The following ZNF341 variants were observed in gnomAD, a reference collection of about 807,000 sequenced individuals.
ZNF341 encodes the protein zinc finger protein 341.
A neutral mutation model predicts 87.7 loss-of-function variants in ZNF341; 52 were observed. That is an observed-to-expected ratio of 0.59 (90% CI 0.47 to 0.75). The LOEUF is 0.75. Ranked by LOEUF, ZNF341 falls within the 30% of genes least tolerant of loss-of-function variation. The pLI is 0.00. For missense variants in ZNF341, 977 were observed against 1,145.9 expected (o/e 0.85, Z 2.13); for synonymous variants, 459 against 472.7 (o/e 0.97, Z 0.38).
chr20:33,781,701 A>AT (rs35710818), intron 11 of ZNF341, among the ~76,000 whole-genome samples: 18,836 of 143,142 alleles, frequency 0.13, 1,559 homozygotes, highest in Admixed American at 0.23. Flanking sequence ...CTTCTTTTTA[A>AT]TTTTTTTTTT....
At chr20:33,788,255 C>G (rs577876348) in intron 12 of ZNF341, 7 of 153,298 alleles carry the variant, frequency 4.6e-5, no homozygotes, top group African/African-American at 1.4e-4. Context: ...CCCATCTCTA[C>G]TAAAAATACA....
chr20:33,752,113 C>CG lies in ZNF341; in HGVS notation c.490-1059_490-1058insG, dbSNP rs2019069586. On this transcript the variant is annotated intron_variant, in intron 4 of 14. Transcript: ENST00000375200. ...CGAGCTAGTGCTGCAAGCAAGCCCC[C>CG]CCCCCTTTTTTTTTAATTTTATAAC... 4 of 386,916 alleles carry CG rather than the reference C, an allele frequency of 1.0e-5. 1 individual carries two copies. The highest frequency in any genetic ancestry group is 2.0e-5 in the Non-Finnish European group (4 of 199,814). 24.0% of individuals were successfully genotyped at this position (386,916 alleles called of 1,614,324 possible).
At chr20:33,773,834 A>G (rs1007303702) in intron 10 of ZNF341, among the ~76,000 whole-genome samples, 2 of 152,028 alleles carry the variant, frequency 1.3e-5, no homozygotes, top group Non-Finnish European at 2.9e-5. Context: ...TGGCTTCATC[A>G]TATCTTTAGA....
intron 14 of ZNF341, among the ~76,000 whole-genome samples, chr20:33,790,065 C>A (rs1395969563): frequency 6.6e-6 from 1 of 150,558 alleles, no homozygotes; most frequent in African/African-American, 2.5e-5. Context: ...ACAATTTGGG[C>A]CAGATAATTT....
At chr20:33,766,661 G>A (rs1326273013) in intron 8 of ZNF341, among the ~76,000 whole-genome samples, 190 bp from the exon 9 acceptor site, 2 of 152,292 alleles carry the variant, frequency 1.3e-5, no homozygotes, top group East Asian at 3.9e-4. Context: ...AAGCATTTCT[G>A]TATTTGAGCC....
chr20:33,772,998 T>C (rs1340170080), intron 10 of ZNF341, among the ~76,000 whole-genome samples: 1 of 152,220 alleles, frequency 6.6e-6, no homozygotes, highest in Non-Finnish European at 1.5e-5. Flanking sequence ...TGATAAATTT[T>C]CTTTGGCTCT....
intron 10 of ZNF341, among the ~76,000 whole-genome samples, chr20:33,777,499 T>C (rs1397876623): frequency 2.0e-5 from 3 of 151,668 alleles, no homozygotes; most frequent in African/African-American, 7.3e-5. Flanking sequence ...CTGGGTGTGG[T>C]GGCGGGCACC....
chr20:33,766,340 A>G (rs1210926506), intron 8 of ZNF341, among the ~76,000 whole-genome samples: 1 of 151,590 alleles, frequency 6.6e-6, no homozygotes, highest in Non-Finnish European at 1.5e-5. Context: ...GATTACAGGC[A>G]CCCTCCACCA....
In ZNF341 at chr20:33,777,819, C is replaced by G. The variant is rs193068011; in HGVS notation, c.1623-3472C>G. ...TTCAGTTGTCATGTCTCTCTCGTCT[C>G]TCTTGTGTCCTATAAGCTGGAACAG... is the stretch of plus-strand genomic sequence containing the variant. On this transcript the variant is annotated intron_variant, in intron 10 of 14. Coordinates refer to ENST00000375200, the MANE Select transcript of ZNF341 (RefSeq NM_001282933.2). Among the ~76,000 whole-genome samples the G allele has an allele frequency of 2.3e-3, 357 of 152,198 alleles. 3 individuals are homozygous for G. Among genetic ancestry groups the G allele is most frequent in the African/African-American group, 8.0e-3 (333 of 41,536 alleles).
At chr20:33,782,523 T>C (rs999438378) in intron 11 of ZNF341, among the ~76,000 whole-genome samples, 2 of 152,252 alleles carry the variant, frequency 1.3e-5, no homozygotes, top group Admixed American at 6.5e-5. Flanking sequence ...ATGTTTCTTA[T>C]TATCTAACCT....
Position 33,742,546 on chromosome 20 carries a change from C to T in ZNF341, c.142+1534C>T, listed in dbSNP as rs550424658. ...GGCCTGGCTGGTCTCGAACTCCTGA[C>T]CTCAGGTGATCCACCCACTTCAGCT... On this transcript the variant is annotated intron_variant, in intron 2 of 14. Transcript: ENST00000375200. Among the ~76,000 whole-genome samples the T allele has an allele frequency of 2.0e-5, 3 of 151,750 alleles. No homozygotes were observed. The East Asian group carries it at 5.8e-4, about 29-fold the overall frequency.
At position 33,732,201 on chromosome 20, in the gene ZNF341, G is replaced by A; in HGVS notation, c.31+149G>A. 2 of 591,876 alleles carry A rather than the reference G, an allele frequency of 3.4e-6. No individual in the cohort carries two copies. The highest frequency in any genetic ancestry group is 7.1e-5 in the South Asian group (1 of 14,116). 36.7% of individuals were successfully genotyped at this position (591,876 alleles called of 1,614,324 possible). On this transcript the variant is annotated intron_variant, in intron 1 of 14. Transcript: ENST00000375200. This position sits in a 1 kb window ranked among gnomAD's most constrained non-coding sequence, Gnocchi z 4.5. ...GCCGCGGGGCGGGAGGGGCGCGGGC[G>A]GGAACAGCGCGGGAGCCGAGGCCCG... is the stretch of plus-strand genomic sequence containing the variant.
intron 10 of ZNF341, among the ~76,000 whole-genome samples, chr20:33,779,551 A>C (rs935943828): frequency 2.6e-5 from 4 of 151,270 alleles, no homozygotes; most frequent in South Asian, 2.1e-4. Context: ...CCCAGGTTCA[A>C]GTGATTCTCC....
At chr20:33,748,306 G>A (rs998009848) in intron 3 of ZNF341, among the ~76,000 whole-genome samples, 9 of 151,896 alleles carry the variant, frequency 5.9e-5, no homozygotes, top group Non-Finnish European at 1.2e-4. Flanking sequence ...TCTTGACCTC[G>A]TGATCTGCCC....
chr20:33,751,527 A>G (rs941778049), intron 4 of ZNF341, among the ~76,000 whole-genome samples: 1 of 152,100 alleles, frequency 6.6e-6, no homozygotes, highest in African/African-American at 2.4e-5. Flanking sequence ...GTTTCTACCC[A>G]GGGAAACACA....
intron 10 of ZNF341, among the ~76,000 whole-genome samples, chr20:33,777,204 T>C (rs1601281936): frequency 6.9e-6 from 1 of 143,946 alleles, no homozygotes; most frequent in Non-Finnish European, 1.5e-5. Context: ...ATGCCTGTGG[T>C]CTCAGCTGCT....
intron 2 of ZNF341, among the ~76,000 whole-genome samples, chr20:33,741,683 G>T (rs1241989578): frequency 6.6e-6 from 1 of 152,158 alleles, no homozygotes; most frequent in African/African-American, 2.4e-5. Flanking sequence ...GGGATTACCT[G>T]CATGAGCCAC....
rs545658245 is a variant in ZNF341, at chr20:33,749,784, G to A, written c.489+712G>A. On this transcript the variant is annotated intron_variant, in intron 4 of 14. Transcript: ENST00000375200. ...TTTTTTTTTTTTGAGACAGAGTCTT[G>A]CTCTGTTGCCCAGGCTGAAGTGCAG... Among the ~76,000 whole-genome samples the A allele has an allele frequency of 2.1e-5, 3 of 145,346 alleles. No homozygotes were observed. The East Asian group carries it at 6.3e-4, about 30-fold the overall frequency.
At chr20:33,774,529 A>G (rs1179198847) in intron 10 of ZNF341, among the ~76,000 whole-genome samples, 3 of 152,226 alleles carry the variant, frequency 2.0e-5, no homozygotes, top group Non-Finnish European at 2.9e-5. Context: ...CACAGACTAT[A>G]TTTGAGTCAG....
Sources: allele counts gnomAD v4.1 joint callset (sites outside exome capture counted in the v4.1 genomes callset), GRCh38; gene constraint gnomAD v4.1.1; non-coding constraint Gnocchi (gnomAD v3.1); transcripts MANE v1.5; gene names NCBI Gene and HGNC (gene_info 2026-07-23, HGNC 2026-07-21).